The following PTPRD variants were observed in gnomAD, a reference collection of about 807,000 sequenced individuals.
PTPRD encodes protein tyrosine phosphatase receptor type D.
PTPRD carries 34 observed loss-of-function variants against 214.5 expected under a neutral mutation model. The ratio of observed to expected loss-of-function variants is 0.16; its 90% CI spans 0.12 to 0.21. PTPRD has a LOEUF of 0.21. Among genes scored for constraint, PTPRD ranks in the 10% least tolerant of loss-of-function variants. The pLI, the probability that PTPRD is intolerant of heterozygous loss-of-function variation, is 1.00. For synonymous variants in PTPRD, 1,128 were observed against 845.7 expected, an observed-to-expected ratio of 1.33 and a Z score of -5.79; for missense variants, 2,545 against 2,398.7, an observed-to-expected ratio of 1.06 and a Z score of -1.27.
intron 2 of PTPRD, among the ~76,000 whole-genome samples, chr9:10,478,942 A>T (rs939316215): frequency 6.6e-6 from 1 of 152,088 alleles, no homozygotes; most frequent in Non-Finnish European, 1.5e-5. Context: ...GTCTCTCCAT[A>T]CATAAATCTA....
At chr9:10,029,300 C>T (rs968544319) in intron 4 of PTPRD, among the ~76,000 whole-genome samples, 1 of 152,176 alleles carries the variant, frequency 6.6e-6, no homozygotes, top group African/African-American at 2.4e-5. Context: ...ACAGAGTCCC[C>T]ACTGGGGCGC....
chr9:9,777,531 A>G lies in PTPRD; in HGVS notation c.-367-10680T>C, dbSNP rs2154486888. On this transcript the variant is annotated intron_variant, in intron 5 of 45. Coordinates refer to ENST00000381196, the MANE Select transcript of PTPRD (RefSeq NM_002839.4). ...AGAACATGAAAAAACCCTGCCTTTA[A>G]AGAAGAAAACACAAAATTTAGCCAG... Among the ~76,000 whole-genome samples, 2 of 152,132 alleles carry G rather than the reference A, an allele frequency of 1.3e-5. 1 individual carries two copies. Among genetic ancestry groups the G allele is most frequent in the South Asian group, 4.2e-4 (2 of 4,818 alleles).
intron 31 of PTPRD, among the ~76,000 whole-genome samples, chr9:8,470,019 G>A (rs2096621399): frequency 6.6e-6 from 1 of 152,046 alleles, no homozygotes; most frequent in Non-Finnish European, 1.5e-5. Flanking sequence ...CTAATTTGAG[G>A]TAGAAGAAAT....
At chr9:8,880,235 C>A (rs1270469945) in intron 11 of PTPRD, among the ~76,000 whole-genome samples, 1 of 152,034 alleles carries the variant, frequency 6.6e-6, no homozygotes. Flanking sequence ...GGGAGGGTAG[C>A]CATGTTTATA....
intron 8 of PTPRD, among the ~76,000 whole-genome samples, chr9:9,406,720 T>C (rs1328749366): frequency 6.6e-6 from 1 of 151,828 alleles, no homozygotes; most frequent in Admixed American, 6.6e-5. Context: ...CTGACAAAGT[T>C]GGATGCTTGA....
At chr9:8,917,953 C>T (rs955723307) in intron 11 of PTPRD, among the ~76,000 whole-genome samples, 2 of 152,124 alleles carry the variant, frequency 1.3e-5, no homozygotes, top group Admixed American at 6.6e-5. Context: ...GCAAGTTTCT[C>T]TCTTCAAGGA....
At chr9:9,812,577 C>G (rs1359998793) in intron 5 of PTPRD, among the ~76,000 whole-genome samples, 1 of 151,802 alleles carries the variant, frequency 6.6e-6, no homozygotes, top group Non-Finnish European at 1.5e-5. Flanking sequence ...AAAAAAGTCA[C>G]TATATAATGA....
intron 11 of PTPRD, among the ~76,000 whole-genome samples, chr9:8,809,286 C>CA (rs948288929): frequency 2.1e-4 from 32 of 151,562 alleles, no homozygotes; most frequent in African/African-American, 7.0e-4. Context: ...CTTTGCCAAC[C>CA]AAAAAAAAGT....
chr9:9,835,930 T>A (rs954553181), intron 5 of PTPRD, among the ~76,000 whole-genome samples: 28 of 152,238 alleles, frequency 1.8e-4, no homozygotes, highest in Admixed American at 1.4e-3. Flanking sequence ...AAGTGATGAA[T>A]GATATTCTAC....
intron 4 of PTPRD, among the ~76,000 whole-genome samples, chr9:9,999,851 A>G (rs2096265493): frequency 6.6e-6 from 1 of 152,208 alleles, no homozygotes; most frequent in South Asian, 2.1e-4. Flanking sequence ...AAGCTATGAA[A>G]AGGTTATAGA....
intron 11 of PTPRD, among the ~76,000 whole-genome samples, chr9:8,762,577 T>C (rs1025032687): frequency 6.6e-6 from 1 of 152,156 alleles, no homozygotes; most frequent in African/African-American, 2.4e-5. Flanking sequence ...AACTAACCTA[T>C]CATGTCACCA....
At chr9:8,413,625 A>C (rs570999237) in intron 35 of PTPRD, among the ~76,000 whole-genome samples, 13 of 152,154 alleles carry the variant, frequency 8.5e-5, no homozygotes, top group Non-Finnish European at 1.9e-4. Context: ...AGGTAGCAAT[A>C]CACCATACTA....
intron 2 of PTPRD, among the ~76,000 whole-genome samples, chr9:10,393,067 C>G (rs559586431): frequency 2.6e-5 from 4 of 151,794 alleles, no homozygotes; most frequent in Non-Finnish European, 5.9e-5. Flanking sequence ...TCCTGATGCT[C>G]ACTCCTTAGC....
At chr9:8,866,542 T>C (rs1259858743) in intron 11 of PTPRD, among the ~76,000 whole-genome samples, 1 of 152,196 alleles carries the variant, frequency 6.6e-6, no homozygotes, top group Non-Finnish European at 1.5e-5. Context: ...TGGTTCATGA[T>C]TAAGTACGTA....
intron 20 of PTPRD, 55 bp from the exon 21 acceptor site, chr9:8,518,484 A>G: frequency 8.3e-7 from 1 of 1,204,278 alleles, no homozygotes; most frequent in African/African-American, 1.5e-5. Context: ...ATAATATTTC[A>G]AAAATCTATA....
At chr9:8,842,935 G>C (rs999426441) in intron 11 of PTPRD, among the ~76,000 whole-genome samples, 1 of 152,152 alleles carries the variant, frequency 6.6e-6, no homozygotes, top group Non-Finnish European at 1.5e-5. Flanking sequence ...GGAGCTTTAA[G>C]ACAGATCTAT....
chr9:10,561,652 G>A (rs2063997234), intron 2 of PTPRD, among the ~76,000 whole-genome samples: 1 of 152,126 alleles, frequency 6.6e-6, no homozygotes, highest in Admixed American at 6.6e-5. Flanking sequence ...AATAGACAGA[G>A]AAGGAAAATG....
chr9:9,299,652 A>G (rs1033421806), intron 9 of PTPRD, among the ~76,000 whole-genome samples: 3 of 151,788 alleles, frequency 2.0e-5, no homozygotes, highest in African/African-American at 7.2e-5. Context: ...TTATAAAATG[A>G]TAACATCAGT....
At chr9:9,995,563 C>T (rs577860541) in intron 4 of PTPRD, among the ~76,000 whole-genome samples, 1 of 152,274 alleles carries the variant, frequency 6.6e-6, no homozygotes, top group South Asian at 2.1e-4. Context: ...TGGGCAGTAG[C>T]TTGGCAGTGG....
Sources: gnomAD v4.1 joint callset for allele counts (sites outside exome capture counted in the v4.1 genomes callset) on GRCh38, gnomAD v4.1.1 for gene constraint, MANE v1.5 for transcripts, NCBI Gene and HGNC (gene_info 2026-07-23, HGNC 2026-07-21) for gene names.